CFAP65: variants seen among roughly 807,000 people sequenced by gnomAD.
CFAP65 encodes the protein cilia- and flagella-associated protein 65.
A neutral mutation model predicts 208.0 loss-of-function variants in CFAP65; 155 were observed. The observed-to-expected ratio is 0.75, with a 90% CI of 0.65 to 0.85. The LOEUF is 0.85. CFAP65 is among the 40% of genes least tolerant of loss of function. The pLI is 0.00. For missense variants in CFAP65, 2,294 were observed against 2,451.3 expected, an observed-to-expected ratio of 0.94 and a Z score of 1.36; for synonymous variants, 970 against 986.3, an observed-to-expected ratio of 0.98 and a Z score of 0.31.
At chr2:219,041,396 A>C in intron 1 of CFAP65, 92 bp downstream of exon 1, 1 of 1,411,268 alleles carries the variant, frequency 7.1e-7, no homozygotes, top group Non-Finnish European at 9.8e-7. Context: ...CGATTTCCCG[A>C]AGGATAGGGT....
chr2:219,040,537 C>T lies in CFAP65; in HGVS notation c.-21G>A, dbSNP rs1948602592. 1 of 1,519,812 alleles carries T rather than the reference C, an allele frequency of 6.6e-7. No individual in the cohort carries two copies. Among genetic ancestry groups the T allele is most frequent in the African/African-American group, 1.4e-5 (1 of 72,578 alleles). The allele number at this position is 1,519,812 out of a possible 1,614,324, so 94.1% of individuals were successfully genotyped here. ...CTCCTACCTCCAATTGTGAACTGGA[C>T]GTTCAGATGAAATCAAAGAAATGTA... On this transcript the variant is annotated 5_prime_UTR_variant, in exon 2 of 35. Transcript: ENST00000341552.
At chr2:219,035,296 T>A (rs1315556666) in intron 5 of CFAP65, 184 bp downstream of exon 5, 3 of 1,516,844 alleles carry the variant, frequency 2.0e-6, no homozygotes, top group Non-Finnish European at 2.7e-6. Flanking sequence ...TGGGACACTA[T>A]ACCACAATGA....
chr2:219,005,938 T>A, intron 31 of CFAP65, 83 bp downstream of exon 31: 1 of 1,375,320 alleles, frequency 7.3e-7, no homozygotes, highest in Non-Finnish European at 1.0e-6. Flanking sequence ...TCACCATGGG[T>A]TGGGTCTGGG....
At chr2:219,011,833 C>T (rs1481432420) in intron 24 of CFAP65, among the ~76,000 whole-genome samples, 1 of 152,240 alleles carries the variant, frequency 6.6e-6, no homozygotes, top group Non-Finnish European at 1.5e-5. Context: ...CTGGACCACC[C>T]TTTGAGCTCC....
chr2:219,013,949 T>C lies in CFAP65; in HGVS notation c.3698A>G (p.Gln1233Arg), dbSNP rs1478425224. Reference protein sequence around the residue: ...NSTELHQMRVQDNCLFSISPK... With the variant: ...NSTELHQMRVRDNCLFSISPK... ...GCTGATGGAGAAGAGGCAATTGTCC[T>C]GCACGCGCATCTGGTGGAGCTCAGT... The change falls in exon 22 of 35, where the codon CAG becomes CGG. Residue 1233 changes from glutamine to arginine, a missense_variant. Gln to Arg is a conservative substitution (Grantham distance 43, BLOSUM62 1). Around this residue, in one of 2 missense-constraint regions of CFAP65, gnomAD observed 1,427 missense variants for 1,438.7 expected, o/e 0.99. Coordinates refer to ENST00000341552, the MANE Select transcript of CFAP65 (RefSeq NM_194302.4). 9.9e-6 allele frequency: 16 copies of C among 1,613,674 alleles called. No individual in the cohort carries two copies. Among genetic ancestry groups the C allele is most frequent in the Non-Finnish European group, 1.4e-5 (16 of 1,179,908 alleles).
Position 219,031,707 on chromosome 2 carries a change from G to A in CFAP65, c.646-49C>T, listed in dbSNP as rs1474540331. 6.4e-7 allele frequency: 1 copy of A among 1,551,388 alleles called. No individual in the cohort carries two copies. The highest frequency in any genetic ancestry group is 1.2e-5 in the South Asian group (1 of 80,284). ...GCAGTCACCCATCAGTGGCATTCAG[G>A]GACTGCACATCCCGCCCACCCTCAG... On this transcript the variant is annotated intron_variant, in intron 6 of 34. Coordinates refer to ENST00000341552, the MANE Select transcript of CFAP65 (RefSeq NM_194302.4). This position sits in a 1 kb window ranked among gnomAD's most constrained non-coding sequence, Gnocchi z 5.2.
intron 4 of CFAP65, 118 bp downstream of exon 4, chr2:219,038,257 G>T: frequency 1.1e-6 from 1 of 894,166 alleles, no homozygotes; most frequent in Non-Finnish European, 1.7e-6. Flanking sequence ...AAGGTCTAGT[G>T]CTCAGATGCA....
At chr2:219,030,235 G>A (rs1320081028) in intron 9 of CFAP65, 27 bp from the exon 10 acceptor site, 2 of 1,605,168 alleles carry the variant, frequency 1.2e-6, no homozygotes, top group African/African-American at 2.7e-5. Flanking sequence ...AAGGACAAAG[G>A]GTCAGGTCAC....
At chr2:219,040,175 T>C (rs1256265460) in intron 2 of CFAP65, among the ~76,000 whole-genome samples, 1 of 152,182 alleles carries the variant, frequency 6.6e-6, no homozygotes, top group African/African-American at 2.4e-5. Flanking sequence ...TACAACAGTT[T>C]ATGATTACGT....
In CFAP65 at chr2:219,023,404, G is replaced by A. The variant is rs770763026; in HGVS notation, c.2623C>T (p.Pro875Ser). ...KEVSMYSREE[P>S]LQLKLDTHKS... is the part of the protein sequence containing the mutation. The stretch of plus-strand genomic sequence containing the variant: ...TGGGTGTCCAGCTTCAGCTGCAGTG[G>A]CTCCTCCCGGCTGTACATGCTCACC... Residue 875 changes from proline (P) to serine (S), a missense_variant, in exon 16 of 35, where the codon CCA (proline) becomes TCA (serine). Around this residue, in one of 2 missense-constraint regions of CFAP65, gnomAD observed 1,427 missense variants for 1,438.7 expected, o/e 0.99. Coordinates refer to ENST00000341552, the MANE Select transcript of CFAP65 (RefSeq NM_194302.4). The A allele has an allele frequency of 1.3e-6, 2 of 1,583,370 alleles. No individual in the cohort carries two copies. Among genetic ancestry groups the A allele is most frequent in the Non-Finnish European group, 8.6e-7 (1 of 1,165,210 alleles).
At position 219,009,975 on chromosome 2, in the gene CFAP65, G is replaced by T. The variant is rs145107151; in HGVS notation, c.4419C>A (p.Phe1473Leu). 1.8e-3 allele frequency: 2,863 copies of T among 1,612,684 alleles called. 4 individuals carry two copies. Among genetic ancestry groups the T allele is most frequent in the Non-Finnish European group, 2.2e-3 (2,645 of 1,179,576 alleles). The change falls in exon 27 of 35, where the codon TTC (phenylalanine) becomes TTA (leucine). Residue 1473 changes from phenylalanine to leucine, a missense_variant. Phe to Leu is a conservative substitution (Grantham distance 22). Coordinates refer to ENST00000341552, the MANE Select transcript of CFAP65 (RefSeq NM_194302.4). ...NNISKNEEIA[F>L]SWQPSPLDFG... ...AATCTAGAGGACTTGGCTGCCAGGAGAAGGCAATTTCCTCGTTCTTGGAGA... is the reference window on the plus strand; with the variant it reads ...AATCTAGAGGACTTGGCTGCCAGGATAAGGCAATTTCCTCGTTCTTGGAGA...
rs559443098 is a variant in CFAP65, at chr2:219,004,450, A to G, written c.5057T>C (p.Leu1686Pro). 6.2e-7 allele frequency: 1 copy of G among 1,605,964 alleles called. No individual in the cohort carries two copies. The highest frequency in any genetic ancestry group is 8.5e-7 in the Non-Finnish European group (1 of 1,175,866). Reference sequence around the variant, plus strand: ...CTCATGGAAGTTCTTGTCTTCCAGCAGGCCCCTAGGTGGCAGGGAGAAGGA... The same window carrying G: ...CTCATGGAAGTTCTTGTCTTCCAGCGGGCCCCTAGGTGGCAGGGAGAAGGA... ...VDILTTIIRG[L>P]LEDKNFHEAV... Residue 1686 changes from leucine (L) to proline (P), a missense_variant, in exon 33 of 35, where the codon CTG becomes CCG. Physicochemically the swap from Leu to Pro is moderately conservative, Grantham distance 98. This residue lies in a region of CFAP65 where 1,427 missense variants were observed against 1,438.7 expected (regional missense o/e 0.99). Coordinates refer to ENST00000341552, the MANE Select transcript of CFAP65 (RefSeq NM_194302.4). The surrounding 1 kb of genome is among the most constrained non-coding windows in gnomAD (Gnocchi z 4.7).
intron 12 of CFAP65, 63 bp downstream of exon 12, chr2:219,028,137 TG>T (rs1947772338): frequency 2.5e-6 from 4 of 1,583,206 alleles, no homozygotes; most frequent in African/African-American, 1.3e-5. Context: ...CATGGGACCC[TG>T]GGGGCATGGG....
intron 26 of CFAP65, 65 bp downstream of exon 26, chr2:219,010,481 T>C (rs1156399651): frequency 1.3e-6 from 2 of 1,539,980 alleles, no homozygotes; most frequent in Non-Finnish European, 1.7e-6. Context: ...TCCTTCTGTC[T>C]GGCCACCCTG....
In CFAP65 at chr2:219,023,222, C is replaced by A; in HGVS notation, c.2805G>T (p.Gln935His). Residue 935 changes from glutamine (Q) to histidine (H), a missense_variant, in exon 16 of 35, where the codon CAG (glutamine) becomes CAT (histidine). Gln to His is a conservative substitution (Grantham distance 24). Around this residue, in one of 2 missense-constraint regions of CFAP65, gnomAD observed 1,427 missense variants for 1,438.7 expected, o/e 0.99. Transcript: ENST00000341552. ...AGCCACTCACAAGTCTCTCGTTGGG[C>A]TGGATTAGCCCCCTGGAGGGCTGGA... is the stretch of plus-strand genomic sequence containing the variant. ...LAVQPSRGLI[Q>H]PNERLTLTWT... 3.7e-6 allele frequency: 6 copies of A among 1,612,002 alleles called. No homozygotes were observed. The highest frequency in any genetic ancestry group is 4.2e-6 in the Non-Finnish European group (5 of 1,179,814).
chr2:219,022,308 G>A lies in CFAP65; in HGVS notation c.2842C>T (p.Pro948Ser). The stretch of plus-strand genomic sequence containing the variant: ...AACAGGTACTTGGTCTCCTCCAAAG[G>A]GCTGAAGGTCCACGTCAGCGTCTGG... The part of the protein sequence containing the change: ...ERLTLTWTFS[P>S]LEETKYLFQV... The change falls in exon 17 of 35, where the codon CCT (proline) becomes TCT (serine). Residue 948 changes from proline to serine, a missense_variant. Physicochemically the swap from Pro to Ser is moderately conservative, Grantham distance 74. Transcript: ENST00000341552. The A allele has an allele frequency of 6.2e-7, 1 of 1,605,520 alleles. No individual in the cohort carries two copies. Among genetic ancestry groups the A allele is most frequent in the Non-Finnish European group, 8.5e-7 (1 of 1,176,298 alleles).
rs1277310730 is a variant in CFAP65 at position 219,041,507 on chromosome 2, C to A, written c.-68G>T. ...ACTTACATCGCCTCCATATTGCCGTCTCCATAGATACAGGACGCGCAGGAA... is the reference window on the plus strand; with the variant it reads ...ACTTACATCGCCTCCATATTGCCGTATCCATAGATACAGGACGCGCAGGAA... On this transcript the variant is annotated 5_prime_UTR_variant, in exon 1 of 35. Coordinates refer to ENST00000341552, the MANE Select transcript of CFAP65 (RefSeq NM_194302.4). 5 of 1,550,464 alleles carry A rather than the reference C, an allele frequency of 3.2e-6. No individual in the cohort carries two copies. The Admixed American group carries it at 9.8e-5, about 30-fold the overall frequency.
At chr2:219,029,901 C>T (rs1018572663) in intron 10 of CFAP65, 85 bp downstream of exon 10, 4 of 1,383,054 alleles carry the variant, frequency 2.9e-6, no homozygotes, top group Admixed American at 2.1e-5. Context: ...GTGGCCCCGC[C>T]TCCTAGGAGC....
Position 219,004,139 on chromosome 2 carries a change from ACTC to A in CFAP65, c.5365_5367del (p.Glu1789del), listed in dbSNP as rs780316098. 9 of 1,609,922 alleles carry A rather than the reference ACTC, an allele frequency of 5.6e-6. No individual in the cohort carries two copies. The highest frequency in any genetic ancestry group is 3.4e-5 in the Admixed American group (2 of 59,634). On this transcript the variant is annotated inframe_deletion, in exon 33 of 35. Coordinates refer to ENST00000341552, the MANE Select transcript of CFAP65 (RefSeq NM_194302.4). The surrounding 1 kb of genome is among the most constrained non-coding windows in gnomAD (Gnocchi z 4.7). The stretch of plus-strand genomic sequence containing the variant: ...TTCTCCTCTATCTCCTCCTTGCCCA[ACTC>A]CTCCTCTTCTGTCTCCTCTTCTTCC...
Sources: allele counts gnomAD v4.1 joint callset (sites outside exome capture counted in the v4.1 genomes callset), GRCh38; gene constraint gnomAD v4.1.1; regional missense constraint gnomAD v4.1.1; non-coding constraint Gnocchi (gnomAD v3.1); transcripts MANE v1.5; gene names NCBI Gene and HGNC (gene_info 2026-07-23, HGNC 2026-07-21).